The following SOX6 variants were observed in gnomAD, a reference collection of about 807,000 sequenced individuals.
SOX6 encodes transcription factor SOX-6.
Under a neutral mutation model 97.8 loss-of-function variants are expected in SOX6, and 11 were observed. The observed-to-expected ratio is 0.11, with a 90% CI of 0.07 to 0.19. The LOEUF (loss-of-function observed/expected upper bound fraction) is 0.19. Ranked by LOEUF, SOX6 falls within the 10% of genes least tolerant of loss-of-function variation. SOX6 has a pLI of 1.00. For synonymous variants in SOX6, 360 were observed against 371.4 expected (o/e 0.97, Z 0.35); for missense variants, 810 against 1,039.5 (o/e 0.78, Z 3.04).
chr11:16,078,469 G>T (rs1262361578), intron 9 of SOX6, among the ~76,000 whole-genome samples: 1 of 152,142 alleles, frequency 6.6e-6, no homozygotes, highest in Non-Finnish European at 1.5e-5. Flanking sequence ...TTTAGTAAAT[G>T]AATATATGTC....
At chr11:16,484,814 G>A in intron 4 of SOX6, 2 of 303,810 alleles carry the variant, frequency 6.6e-6, no homozygotes, top group Non-Finnish European at 1.2e-5. Context: ...AGAATGTTGT[G>A]GAAAGAATTC....
chr11:16,038,874 T>C (rs1276043983), intron 12 of SOX6, among the ~76,000 whole-genome samples: 1 of 152,018 alleles, frequency 6.6e-6, no homozygotes, highest in African/African-American at 2.4e-5. Context: ...CCCTGAAAAA[T>C]TACTGAGTTC....
intron 3 of SOX6, among the ~76,000 whole-genome samples, chr11:16,296,523 T>C (rs1385952835): frequency 1.3e-5 from 2 of 152,176 alleles, no homozygotes; most frequent in Non-Finnish European, 2.9e-5. Flanking sequence ...AAGGGTATTA[T>C]AAAGAATGGC....
At chr11:16,497,594 A>G (rs1860623228) in intron 4 of SOX6, among the ~76,000 whole-genome samples, 1 of 152,178 alleles carries the variant, frequency 6.6e-6, no homozygotes, top group South Asian at 2.1e-4. Context: ...ATGGCTAACT[A>G]GAATAACCAA....
chr11:16,623,545 T>C (rs1264297120), intron 3 of SOX6, among the ~76,000 whole-genome samples: 1 of 152,244 alleles, frequency 6.6e-6, no homozygotes, highest in Non-Finnish European at 1.5e-5. Context: ...TTTTTTGTTG[T>C]GCAGAAGCTT....
At chr11:16,733,696 T>C (rs1848368846) in intron 2 of SOX6, among the ~76,000 whole-genome samples, 1 of 144,268 alleles carries the variant, frequency 6.9e-6, no homozygotes. Flanking sequence ...CTTCATGTTC[T>C]GCACATGTAT....
chr11:15,988,848 G>T, intron 14 of SOX6, 149 bp downstream of exon 14: 1 of 734,414 alleles, frequency 1.4e-6, no homozygotes, highest in Non-Finnish European at 2.3e-6. Context: ...TGATGACGAA[G>T]GCTCCTGCGG....
At chr11:16,468,024 T>A (rs1286663092) in intron 1 of SOX6, among the ~76,000 whole-genome samples, 1 of 152,222 alleles carries the variant, frequency 6.6e-6, no homozygotes, top group Non-Finnish European at 1.5e-5. Context: ...ATCTTCTTGG[T>A]TAGAAACAAG....
chr11:15,986,377 A>G lies in SOX6; in HGVS notation c.2010T>C (p.Tyr670=). The G allele has an allele frequency of 1.9e-6, 3 of 1,614,074 alleles. No individual in the cohort carries two copies. The highest frequency in any genetic ancestry group is 2.5e-6 in the Non-Finnish European group (3 of 1,179,994). Reference sequence around the variant, plus strand: ...TGCTTAGCCGGGCCTGCTCTTCATAATAAGGTTGCTTCTCCTGGTTGGACA... The same window carrying G: ...TGCTTAGCCGGGCCTGCTCTTCATAGTAAGGTTGCTTCTCCTGGTTGGACA... ...KSMSNQEKQP[Y]YEEQARLSKI... is the part of the protein sequence containing the mutation. Residue 670 remains tyrosine (Y), a synonymous_variant, in exon 15 of 16, where the codon TAT becomes TAC. Coordinates refer to ENST00000683767, the MANE Select transcript of SOX6 (RefSeq NM_001367873.1).
chr11:16,675,448 G>A (rs900178802), intron 3 of SOX6, among the ~76,000 whole-genome samples: 1 of 152,158 alleles, frequency 6.6e-6, no homozygotes, highest in Non-Finnish European at 1.5e-5. Context: ...ACCACATCCA[G>A]CCATAGATAT....
chr11:16,050,434 C>A (rs1014993430), intron 10 of SOX6, among the ~76,000 whole-genome samples: 2 of 152,148 alleles, frequency 1.3e-5, no homozygotes, highest in Non-Finnish European at 2.9e-5. Context: ...TAGGCCCCTG[C>A]CCAGGGAGCC....
At chr11:16,170,995 G>T (rs1294594330) in intron 6 of SOX6, among the ~76,000 whole-genome samples, 1 of 151,984 alleles carries the variant, frequency 6.6e-6, no homozygotes, top group Non-Finnish European at 1.5e-5. Context: ...AGTAAGGAAG[G>T]TCTGTGGAGA....
intron 4 of SOX6, among the ~76,000 whole-genome samples, chr11:16,514,038 C>T (rs751164307): frequency 1.3e-5 from 2 of 151,892 alleles, no homozygotes; most frequent in Non-Finnish European, 2.9e-5. Flanking sequence ...ACAGTGAGAC[C>T]TCCGTCTCTA....
At chr11:16,344,354 G>T (rs1027319124) in intron 1 of SOX6, among the ~76,000 whole-genome samples, 1 of 151,844 alleles carries the variant, frequency 6.6e-6, no homozygotes, top group African/African-American at 2.4e-5. Flanking sequence ...CTGATTATTA[G>T]ATCTGATTCA....
chr11:16,137,337 A>C (rs1213796785), intron 6 of SOX6, among the ~76,000 whole-genome samples: 1 of 152,140 alleles, frequency 6.6e-6, no homozygotes, highest in Admixed American at 6.5e-5. Context: ...GAGGCACAAG[A>C]ATCGCTTGAG....
chr11:16,026,007 G>A (rs894443481), intron 12 of SOX6, among the ~76,000 whole-genome samples: 8 of 152,048 alleles, frequency 5.3e-5, no homozygotes, highest in African/African-American at 1.9e-4. Flanking sequence ...TCCTGAAGCC[G>A]GCTGGTGACA....
intron 1 of SOX6, among the ~76,000 whole-genome samples, chr11:16,389,795 C>T (rs1212424626): frequency 2.0e-5 from 3 of 151,338 alleles, no homozygotes; most frequent in Non-Finnish European, 4.4e-5. Flanking sequence ...GGTGAAACCC[C>T]GTCTCTACTA....
At chr11:16,052,880 C>A (rs1847720290) in intron 10 of SOX6, among the ~76,000 whole-genome samples, 1 of 152,154 alleles carries the variant, frequency 6.6e-6, no homozygotes, top group South Asian at 2.1e-4. Context: ...GGAGGTCTTT[C>A]CACTCTGGCT....
chr11:16,123,061 T>A (rs1301842663), intron 6 of SOX6, among the ~76,000 whole-genome samples: 1 of 152,070 alleles, frequency 6.6e-6, no homozygotes, highest in Non-Finnish European at 1.5e-5. Context: ...GGCTGAGTAC[T>A]CCTAGTACAT....
Sources: gnomAD v4.1 joint callset for allele counts (sites outside exome capture counted in the v4.1 genomes callset) on GRCh38, gnomAD v4.1.1 for gene constraint, MANE v1.5 for transcripts, NCBI Gene and HGNC (gene_info 2026-07-23, HGNC 2026-07-21) for gene names.